CPZ: variants seen among roughly 807,000 people sequenced by gnomAD.
CPZ encodes carboxypeptidase Z.
CPZ carries 103 observed loss-of-function variants against 61.8 expected under a neutral mutation model. The ratio of observed to expected loss-of-function variants is 1.67; its 90% CI spans 1.42 to 1.96. The LOEUF (loss-of-function observed/expected upper bound fraction) is 1.96, where lower values mean the gene tolerates loss of function less well. CPZ is among the 30% of genes most tolerant of loss of function. The probability of loss-of-function intolerance (pLI) is 0.00; values close to 1 mark genes in which losing one functional copy is unlikely to be tolerated. For missense variants in CPZ, 1,461 were observed against 914.9 expected, an observed-to-expected ratio of 1.60 and a Z score of -7.70; for synonymous variants, 551 against 373.7, an observed-to-expected ratio of 1.47 and a Z score of -5.47.
intron 1 of CPZ, among the ~76,000 whole-genome samples, chr4:8,598,711 G>A (rs1033506888): frequency 1.3e-5 from 2 of 152,388 alleles, no homozygotes; most frequent in East Asian, 1.9e-4. Context: ...TGCACACAGA[G>A]CCTTGGGTCC....
chr4:8,609,408 C>T lies in CPZ; in HGVS notation c.1227+1983C>T, dbSNP rs1715451854. Among the ~76,000 whole-genome samples the T allele has an allele frequency of 2.0e-5, 3 of 148,062 alleles. No individual in the cohort carries two copies. The South Asian group carries it at 6.2e-4, about 31-fold the overall frequency. ...TTATTCTTTCACTCATTGGTTTATTCCCGCACTCCTTCCCTCACTCATTCA... is the reference window on the plus strand; with the variant it reads ...TTATTCTTTCACTCATTGGTTTATTTCCGCACTCCTTCCCTCACTCATTCA... On this transcript the variant is annotated intron_variant, in intron 7 of 10. Transcript: ENST00000360986.
At chr4:8,599,379 C>T in intron 1 of CPZ, 74 bp from the exon 2 acceptor site, 1 of 1,505,726 alleles carries the variant, frequency 6.6e-7, no homozygotes, top group Non-Finnish European at 8.9e-7. Context: ...GCACTCAGGG[C>T]CCTGGCCGTG....
rs534680106 is a variant in CPZ, at chr4:8,614,185, C to T, written c.1364-174C>T. On this transcript the variant is annotated intron_variant, in intron 8 of 10. Transcript: ENST00000360986. ...GCAGGAGGGGCGTCTGTGGCGAGTACCTGCTGCACTCACCTGCCTGCTGGG... is the reference window on the plus strand; with the variant it reads ...GCAGGAGGGGCGTCTGTGGCGAGTATCTGCTGCACTCACCTGCCTGCTGGG... 5.9e-5 allele frequency among the ~76,000 whole-genome samples: 9 copies of T among 152,358 alleles called. No individual in the cohort carries two copies. The South Asian group carries it at 1.2e-3, about 21-fold the overall frequency.
At chr4:8,612,205 G>GGGGGGGGGGGGC in intron 8 of CPZ, 43 bp downstream of exon 8, 1 of 202,854 alleles carries the variant, frequency 4.9e-6, no homozygotes, top group African/African-American at 2.6e-5. Flanking sequence ...GGTGGGGGGT[G>GGGGGGGGGGGGC]CAGGGGCTGG....
intron 2 of CPZ, among the ~76,000 whole-genome samples, chr4:8,600,605 C>T (rs192437742): frequency 4.5e-4 from 69 of 152,324 alleles, no homozygotes; most frequent in African/African-American, 1.4e-3. Context: ...CCTGGGCTTA[C>T]GGCATCCCTG....
In CPZ at chr4:8,606,836, GC is replaced by G. The variant is rs1211130106; in HGVS notation, c.1007del (p.Ala336GlyfsTer30). On this transcript the variant is annotated frameshift_variant, in exon 6 of 11. Coordinates refer to ENST00000360986, the MANE Select transcript of CPZ (RefSeq NM_001014447.3). LOFTEE classifies it high-confidence loss of function. ...CCTGACGTCCGAGTACTACCGGCTG[GC>G]GGAGACCCGCGGCGCACGCAGCGAC... ...PDLTSEYYRL[A>X]ETRGARSDHI... The G allele has an allele frequency of 3.1e-6, 5 of 1,613,640 alleles. No individual in the cohort carries two copies. Among genetic ancestry groups the G allele is most frequent in the Non-Finnish European group, 4.2e-6 (5 of 1,179,976 alleles).
chr4:8,603,989 T>C lies in CPZ; in HGVS notation c.510T>C (p.Ala170=), dbSNP rs766201011. The C allele has an allele frequency of 1.2e-6, 2 of 1,612,126 alleles. No individual in the cohort carries two copies. Among genetic ancestry groups the C allele is most frequent in the East Asian group, 4.5e-5 (2 of 44,874 alleles). ...CTGCTCCCCCAGGAGGCCTGGAGGC[T>C]GACGAGGCACTGCCCTCAGGGCTGC... ...PLEKLRGGLE[A]DEALPSGLPP... The change falls in exon 4 of 11, where the codon GCT becomes GCC. Residue 170 remains alanine, a synonymous_variant. Transcript: ENST00000360986.
At chr4:8,612,552 A>G (rs1225403308) in intron 8 of CPZ, among the ~76,000 whole-genome samples, 1 of 152,246 alleles carries the variant, frequency 6.6e-6, no homozygotes, top group African/African-American at 2.4e-5. Flanking sequence ...AGGATGTTCC[A>G]ATGCGTGGGA....
intron 1 of CPZ, among the ~76,000 whole-genome samples, chr4:8,597,787 G>A (rs1385231477): frequency 6.6e-6 from 1 of 152,232 alleles, no homozygotes; most frequent in Non-Finnish European, 1.5e-5. Context: ...CCCCCCGGAA[G>A]ATCGTGTGCT....
intron 9 of CPZ, 72 bp from the exon 10 acceptor site, chr4:8,618,357 A>T: frequency 7.0e-7 from 1 of 1,438,208 alleles, no homozygotes; most frequent in Non-Finnish European, 9.8e-7. Context: ...GCATGTGGGG[A>T]ACGAGCTGAC....
In CPZ at chr4:8,592,894, G is replaced by C. The variant is rs1018534848; in HGVS notation, c.61G>C (p.Gly21Arg). The C allele has an allele frequency of 7.8e-6, 12 of 1,535,216 alleles. No individual in the cohort carries two copies. In the African/African-American group the frequency reaches 1.7e-4, roughly 21 times the overall value. ...TVLVVAAARP[G>R]CEFERNPAGE... ...CCTGGTCGTCGCCGCTGCCCGGCCG[G>C]GGTGCGAGTTTGAGCGGAACCCCGC... is the stretch of plus-strand genomic sequence containing the variant. Residue 21 changes from glycine to arginine, a missense_variant, in exon 1 of 11, where the codon GGG (glycine) becomes CGG (arginine). Coordinates refer to ENST00000360986, the MANE Select transcript of CPZ (RefSeq NM_001014447.3).
chr4:8,608,537 A>T (rs1043259790), intron 7 of CPZ, among the ~76,000 whole-genome samples: 11 of 151,966 alleles, frequency 7.2e-5, no homozygotes, highest in Admixed American at 7.2e-4. Context: ...GGGAATGCAA[A>T]CGGGACTGGT....
intron 7 of CPZ, among the ~76,000 whole-genome samples, chr4:8,608,374 A>G (rs569715626): frequency 3.4e-4 from 52 of 152,266 alleles, no homozygotes; most frequent in African/African-American, 1.2e-3. Context: ...TGGGTGGGCA[A>G]GTGCCAGGTG....
intron 9 of CPZ, among the ~76,000 whole-genome samples, chr4:8,616,576 G>T (rs1033825964): frequency 6.6e-6 from 1 of 152,140 alleles, no homozygotes; most frequent in African/African-American, 2.4e-5. Flanking sequence ...GGAGGAGGAG[G>T]AGTGTGAGCT....
Position 8,606,164 on chromosome 4 carries a change from C to G in CPZ, c.885C>G (p.Gly295=), listed in dbSNP as rs1714985178. ...TGCTGCCCTCCATGAACCCTGACGGCTATGAGGTGGCAGCTGCCGAGGTGA... is the reference window on the plus strand; with the variant it reads ...TGCTGCCCTCCATGAACCCTGACGGGTATGAGGTGGCAGCTGCCGAGGTGA... ...IHLLPSMNPD[G]YEVAAAEGAG... The change falls in exon 5 of 11, where the codon GGC becomes GGG. Residue 295 remains glycine (G), a synonymous_variant. Coordinates refer to ENST00000360986, the MANE Select transcript of CPZ (RefSeq NM_001014447.3). 1.2e-6 allele frequency: 2 copies of G among 1,613,900 alleles called. No homozygotes were observed. The highest frequency in any genetic ancestry group is 1.7e-6 in the Non-Finnish European group (2 of 1,179,962).
At chr4:8,615,194 G>A (rs1241113803) in intron 9 of CPZ, among the ~76,000 whole-genome samples, 1 of 152,116 alleles carries the variant, frequency 6.6e-6, no homozygotes, top group Non-Finnish European at 1.5e-5. Context: ...CCCAGAAGCA[G>A]GCAGGTGGGA....
rs946984425 is a variant in CPZ at position 8,607,350 on chromosome 4, G to A, written c.1152G>A (p.Leu384=). ...CAGCCAGCCTTCATGGGGGCGACCT[G>A]GTGGTGTCCTACCCCTTCGACTTCT... ...VLSASLHGGD[L]VVSYPFDFSK... Residue 384 remains leucine (L), a synonymous_variant, in exon 7 of 11, where the codon CTG becomes CTA. Transcript: ENST00000360986. 1 of 1,614,122 alleles carries A rather than the reference G, an allele frequency of 6.2e-7. No individual in the cohort carries two copies. Among genetic ancestry groups the A allele is most frequent in the South Asian group, 1.1e-5 (1 of 91,090 alleles).
At chr4:8,609,111 CTCACTCCCTCACTCAT>C (rs939535623) in intron 7 of CPZ, among the ~76,000 whole-genome samples, 2 of 12,716 alleles carry the variant, frequency 1.6e-4, no homozygotes, top group African/African-American at 1.1e-3. Flanking sequence ...CACTCCCTTC[CTCACTCCCTCACTCAT>C]TCACTCATTT....
At chr4:8,612,572 A>G (rs13151042) in intron 8 of CPZ, among the ~76,000 whole-genome samples, 136,621 of 152,264 alleles carry the variant, frequency 0.9, 61,480 homozygotes, top group East Asian at 0.96. Flanking sequence ...ATATGCTTAC[A>G]AGAACCCGCA....
Sources: allele counts gnomAD v4.1 joint callset (sites outside exome capture counted in the v4.1 genomes callset), GRCh38; gene constraint gnomAD v4.1.1; transcripts MANE v1.5; gene names NCBI Gene and HGNC (gene_info 2026-07-23, HGNC 2026-07-21).